ADRA1A: variants seen among roughly 807,000 people sequenced by gnomAD.
ADRA1A encodes alpha-1A adrenergic receptor.
Under a neutral mutation model 29.6 loss-of-function variants are expected in ADRA1A, and 31 were observed. The ratio of observed to expected loss-of-function variants is 1.05; its 90% CI spans 0.79 to 1.41. The LOEUF (loss-of-function observed/expected upper bound fraction) is 1.41. Ranked by LOEUF, ADRA1A falls within the 40% of genes most tolerant of loss-of-function variation. The pLI is 0.00. For missense variants in ADRA1A, 619 were observed against 601.1 expected (o/e 1.03, Z -0.31); for synonymous variants, 311 against 254.3 (o/e 1.22, Z -2.12).
chr8:26,839,214 A>G (rs1428116627), intron 2 of ADRA1A, among the ~76,000 whole-genome samples: 2 of 143,494 alleles, frequency 1.4e-5, no homozygotes, highest in Non-Finnish European at 3.0e-5. Context: ...GCTGGAGTGC[A>G]GTGGTGCAAT....
intron 2 of ADRA1A, among the ~76,000 whole-genome samples, chr8:26,833,613 C>G (rs1811142032): frequency 6.6e-6 from 1 of 152,204 alleles, no homozygotes; most frequent in Non-Finnish European, 1.5e-5. Context: ...ATGTAGGAAC[C>G]TGATAAGTAG....
rs79067137 is a variant in ADRA1A, at chr8:26,860,771, C to T, written c.883+3316G>A. Among the ~76,000 whole-genome samples the T allele has an allele frequency of 1.4e-3, 217 of 152,264 alleles. 3 individuals are homozygous for T. In the East Asian group the frequency reaches 0.028, roughly 20 times the overall value. On this transcript the variant is annotated intron_variant, in intron 2 of 2. Transcript: ENST00000380573. This position sits in a 1 kb window ranked among gnomAD's most constrained non-coding sequence, Gnocchi z 4.7. ...TCTCCTTGTCACTTCCCAATGCTCCCCTTGGGCACTGAATCCCGTTGCCTC... is the reference window on the plus strand; with the variant it reads ...TCTCCTTGTCACTTCCCAATGCTCCTCTTGGGCACTGAATCCCGTTGCCTC...
At chr8:26,826,289 G>A (rs1022577031) in intron 2 of ADRA1A, among the ~76,000 whole-genome samples, 3 of 152,164 alleles carry the variant, frequency 2.0e-5, no homozygotes, top group Admixed American at 6.5e-5. Context: ...TTCTCCTGCA[G>A]ACCAAATTCA....
Position 26,860,869 on chromosome 8 carries a change from C to T in ADRA1A, c.883+3218G>A, listed in dbSNP as rs908936007. On this transcript the variant is annotated intron_variant, in intron 2 of 2. Coordinates refer to ENST00000380573, the MANE Select transcript of ADRA1A (RefSeq NM_000680.4). This position sits in a 1 kb window ranked among gnomAD's most constrained non-coding sequence, Gnocchi z 4.7. ...GAATATAAATATCATGTCATATCCCCACCTCCCACCATTGAAAGCTCTCTC... is the reference window on the plus strand; with the variant it reads ...GAATATAAATATCATGTCATATCCCTACCTCCCACCATTGAAAGCTCTCTC... 6.6e-6 allele frequency among the ~76,000 whole-genome samples: 1 copy of T among 152,128 alleles called. No homozygotes were observed. The highest frequency in any genetic ancestry group is 2.4e-5 in the African/African-American group (1 of 41,422).
In ADRA1A at chr8:26,825,239, G is replaced by C. The variant is rs983117717; in HGVS notation, c.883+38848C>G. 3.9e-5 allele frequency among the ~76,000 whole-genome samples: 6 copies of C among 152,114 alleles called. No homozygotes were observed. The highest frequency in any genetic ancestry group is 1.4e-4 in the African/African-American group (6 of 41,398). ...GAGACAGTTCCTTCTTTAGGGAATG[G>C]GGGTCATAGAGATATCTTCACTCTC... On this transcript the variant is annotated intron_variant, in intron 2 of 2. Transcript: ENST00000380573. This position sits in a 1 kb window ranked among gnomAD's most constrained non-coding sequence, Gnocchi z 5.7.
chr8:26,845,286 T>C lies in ADRA1A; in HGVS notation c.883+18801A>G, dbSNP rs77780656. Reference sequence around the variant, plus strand: ...TTAAAAAATGGGCAAAGGATGTGAATAGATATAACTCCAAAGAAGTTACAT... The same window carrying C: ...TTAAAAAATGGGCAAAGGATGTGAACAGATATAACTCCAAAGAAGTTACAT... On this transcript the variant is annotated intron_variant, in intron 2 of 2. Transcript: ENST00000380573. Among the ~76,000 whole-genome samples, 1,086 of 152,252 alleles carry C rather than the reference T, an allele frequency of 7.1e-3. 9 individuals carry two copies. Among genetic ancestry groups the C allele is most frequent in the African/African-American group, 0.025 (1,045 of 41,552 alleles).
Position 26,867,131 on chromosome 8 carries a change from T to C in ADRA1A, c.-882A>G. On this transcript the variant is annotated 5_prime_UTR_variant, in exon 1 of 3. Transcript: ENST00000380573. The stretch of plus-strand genomic sequence containing the variant: ...CTTTAAGCTCCTGAACCGCTGTCAC[T>C]TTACCTGCATTTTTTAAAAAGAGTC... The C allele has an allele frequency of 4.1e-6, 4 of 985,410 alleles. No individual in the cohort carries two copies. Among genetic ancestry groups the C allele is most frequent in the Non-Finnish European group, 4.8e-6 (4 of 829,926 alleles). The allele number at this position is 985,410 out of a possible 1,614,324, so 61.0% of individuals were successfully genotyped here.
chr8:26,750,401 C>A (rs1022030385), intron 2 of ADRA1A, among the ~76,000 whole-genome samples: 28 of 152,038 alleles, frequency 1.8e-4, no homozygotes, highest in African/African-American at 6.0e-4. Flanking sequence ...AGGGTTTCAC[C>A]ATGTTGCCCA....
Position 26,769,277 on chromosome 8 carries a change from A to G in ADRA1A, c.*872T>C. Reference sequence around the variant, plus strand: ...TAAGTGAACAGCCTCTATCTTTGCAAGAAATTAACAGCCACACCAACCTCT... The same window carrying G: ...TAAGTGAACAGCCTCTATCTTTGCAGGAAATTAACAGCCACACCAACCTCT... On this transcript the variant is annotated 3_prime_UTR_variant, in exon 3 of 3. Transcript: ENST00000380573. 1.0e-6 allele frequency: 1 copy of G among 985,488 alleles called. No homozygotes were observed. The highest frequency in any genetic ancestry group is 1.2e-6 in the Non-Finnish European group (1 of 829,942). The allele number at this position is 985,488 out of a possible 1,614,324, so 61.0% of individuals were successfully genotyped here. A position where few individuals can be genotyped will look rare whatever the true frequency, so the allele number is the denominator to read the frequency against.
At chr8:26,833,770 A>G (rs1811154365) in intron 2 of ADRA1A, among the ~76,000 whole-genome samples, 1 of 152,240 alleles carries the variant, frequency 6.6e-6, no homozygotes, top group South Asian at 2.1e-4. Flanking sequence ...GCAAGTGTTT[A>G]AGAAACTATG....
intron 2 of ADRA1A, among the ~76,000 whole-genome samples, chr8:26,853,526 G>C (rs549861919): frequency 6.6e-6 from 1 of 152,180 alleles, no homozygotes; most frequent in Non-Finnish European, 1.5e-5. Context: ...TACTAGAGCA[G>C]AGAGACAGAT....
At chr8:26,828,031 C>T (rs6997414) in intron 2 of ADRA1A, among the ~76,000 whole-genome samples, 1 of 151,924 alleles carries the variant, frequency 6.6e-6, no homozygotes, top group South Asian at 2.1e-4. Flanking sequence ...GTAGCTGGGA[C>T]CACAGGCATG....
chr8:26,750,306 A>G (rs1036550366), intron 2 of ADRA1A, among the ~76,000 whole-genome samples: 1 of 152,062 alleles, frequency 6.6e-6, no homozygotes, highest in African/African-American at 2.4e-5. Flanking sequence ...GGTTCAAGCC[A>G]TTCCCCTGCC....
In ADRA1A at chr8:26,769,353, C is replaced by A. The variant is rs1335133969; in HGVS notation, c.*796G>T. The A allele has an allele frequency of 1.0e-6, 1 of 985,404 alleles. No homozygotes were observed. Among genetic ancestry groups the A allele is most frequent in the Non-Finnish European group, 1.2e-6 (1 of 829,910 alleles). 61.0% of individuals were successfully genotyped at this position (985,404 alleles called of 1,614,324 possible). ...AGCCTATCATCATCTGATCTTGGAA[C>A]TGTTTAATGGATTTTCTCTCTAGTA... On this transcript the variant is annotated 3_prime_UTR_variant, in exon 3 of 3. Coordinates refer to ENST00000380573, the MANE Select transcript of ADRA1A (RefSeq NM_000680.4).
intron 2 of ADRA1A, among the ~76,000 whole-genome samples, chr8:26,781,562 C>A (rs1171908225): frequency 6.6e-6 from 1 of 152,238 alleles, no homozygotes; most frequent in Non-Finnish European, 1.5e-5. Context: ...TCTTTCAGAT[C>A]TTCAAGACAC....
rs61757014 is a variant in ADRA1A at position 26,865,632 on chromosome 8, G to A, written c.-663C>T. 1.6e-3 allele frequency: 1,572 copies of A among 986,130 alleles called. 1 individual carries two copies. Among genetic ancestry groups the A allele is most frequent in the Non-Finnish European group, 1.8e-3 (1,533 of 830,572 alleles). 61.1% of individuals were successfully genotyped at this position (986,130 alleles called of 1,614,324 possible). A position where few individuals can be genotyped will look rare whatever the true frequency, so the allele number is the denominator to read the frequency against. On this transcript the variant is annotated 5_prime_UTR_variant, in exon 2 of 3. Transcript: ENST00000380573. The surrounding 1 kb of genome is among the most constrained non-coding windows in gnomAD (Gnocchi z 7.6). Reference sequence around the variant, plus strand: ...TATGTGCTGAGACCCAGGAGGCTGCGGGGCATCGTTTGACCGCGTCCACCT... The same window carrying A: ...TATGTGCTGAGACCCAGGAGGCTGCAGGGCATCGTTTGACCGCGTCCACCT...
chr8:26,785,496 T>C (rs1807308085), intron 2 of ADRA1A, among the ~76,000 whole-genome samples: 1 of 152,176 alleles, frequency 6.6e-6, no homozygotes, highest in South Asian at 2.1e-4. Flanking sequence ...GGTTAAAAAC[T>C]CTGTTCTTCA....
At chr8:26,842,046 A>G (rs960925730) in intron 2 of ADRA1A, among the ~76,000 whole-genome samples, 1 of 151,988 alleles carries the variant, frequency 6.6e-6, no homozygotes. Flanking sequence ...TTCTATTCCC[A>G]TGACTCTCAT....
chr8:26,778,747 C>G (rs1396337006), intron 2 of ADRA1A, among the ~76,000 whole-genome samples: 1 of 135,006 alleles, frequency 7.4e-6, no homozygotes, highest in African/African-American at 2.8e-5. Flanking sequence ...TGAACAATGA[C>G]TATACTTGGA....
Sources: allele counts gnomAD v4.1 joint callset (sites outside exome capture counted in the v4.1 genomes callset), GRCh38; gene constraint gnomAD v4.1.1; non-coding constraint Gnocchi (gnomAD v3.1); transcripts MANE v1.5; gene names NCBI Gene and HGNC (gene_info 2026-07-23, HGNC 2026-07-21).